The following PPP3CA variants were observed in gnomAD, a reference collection of about 807,000 sequenced individuals.
PPP3CA encodes CAM-PRP catalytic subunit.
A neutral mutation model predicts 66.5 loss-of-function variants in PPP3CA; 14 were observed. The ratio of observed to expected loss-of-function variants is 0.21; its 90% confidence interval spans 0.14 to 0.33. PPP3CA has a LOEUF of 0.33. Ranked by LOEUF, PPP3CA falls within the 10% of genes least tolerant of loss-of-function variation. PPP3CA has a pLI of 1.00. For missense variants in PPP3CA, 317 were observed against 639.5 expected, an observed-to-expected ratio of 0.50 and a Z score of 5.44; for synonymous variants, 232 against 226.2, an observed-to-expected ratio of 1.03 and a Z score of -0.23.
rs538230861 is a variant in PPP3CA at position 101,025,862 on chromosome 4, T to C, written c.*3A>G. On this transcript the variant is annotated 3_prime_UTR_variant, in exon 14 of 14. Coordinates refer to ENST00000394854, the MANE Select transcript of PPP3CA (RefSeq NM_000944.5). The stretch of plus-strand genomic sequence containing the variant: ...AAAAAAAAAAAAAGTGAACAGGAAG[T>C]GGTCACTGAATATTGCTGCTATTAC... 8.8e-7 allele frequency: 1 copy of C among 1,132,356 alleles called. No individual in the cohort carries two copies. The highest frequency in any genetic ancestry group is 3.1e-5 in the East Asian group (1 of 32,396). The allele number at this position is 1,132,356 out of a possible 1,614,324, so 70.1% of individuals were successfully genotyped here. A position where few individuals can be genotyped will look rare whatever the true frequency, so the allele number is the denominator to read the frequency against.
intron 2 of PPP3CA, among the ~76,000 whole-genome samples, chr4:101,162,571 A>ATAAAT (rs1723553406): frequency 2.6e-5 from 2 of 77,974 alleles, no homozygotes; most frequent in African/African-American, 1.6e-4. Flanking sequence ...AAATAAATAA[A>ATAAAT]GGGAAATGTA....
intron 3 of PPP3CA, among the ~76,000 whole-genome samples, chr4:101,107,232 A>G (rs1028561732): frequency 1.3e-5 from 2 of 152,200 alleles, no homozygotes; most frequent in Non-Finnish European, 2.9e-5. Flanking sequence ...TCTCTAATCC[A>G]ATCACACTTA....
intron 2 of PPP3CA, among the ~76,000 whole-genome samples, chr4:101,181,718 C>G (rs933609940): frequency 6.6e-6 from 1 of 152,010 alleles, no homozygotes; most frequent in Non-Finnish European, 1.5e-5. Flanking sequence ...TCTTACAATT[C>G]TATGATTATA....
At chr4:101,107,771 C>T (rs1721479959) in intron 3 of PPP3CA, among the ~76,000 whole-genome samples, 1 of 152,132 alleles carries the variant, frequency 6.6e-6, no homozygotes. Context: ...AAATAAAACA[C>T]TGAAATAAAA....
At chr4:101,253,814 G>A (rs781149310) in intron 1 of PPP3CA, among the ~76,000 whole-genome samples, 1 of 151,966 alleles carries the variant, frequency 6.6e-6, no homozygotes, top group Non-Finnish European at 1.5e-5. Context: ...ATATATGAAC[G>A]AAAGAGGGGA....
intron 1 of PPP3CA, among the ~76,000 whole-genome samples, chr4:101,236,153 C>T (rs1479677391): frequency 6.6e-6 from 1 of 151,746 alleles, no homozygotes; most frequent in Non-Finnish European, 1.5e-5. Context: ...CAAATTATAG[C>T]AAATGCAATG....
In PPP3CA at chr4:101,073,253, GTA is replaced by G. The variant is rs969530886; in HGVS notation, c.955+7277_955+7278del. Among the ~76,000 whole-genome samples the G allele has an allele frequency of 3.1e-4, 44 of 142,300 alleles. 1 individual carries two copies. Among genetic ancestry groups the G allele is most frequent in the Admixed American group, 7.0e-5 (1 of 14,240 alleles). The allele number at this position is 142,300 out of a possible 152,430, so 93.4% of individuals were successfully genotyped here. A position where few individuals can be genotyped will look rare whatever the true frequency, so the allele number is the denominator to read the frequency against. On this transcript the variant is annotated intron_variant, in intron 8 of 13. Transcript: ENST00000394854. The stretch of plus-strand genomic sequence containing the variant: ...CGTGTGTGTGTGTGTGTGTGTGTGT[GTA>G]TAGTGTATATACACACTTACATACT...
At chr4:101,253,808 A>G (rs1726752284) in intron 1 of PPP3CA, among the ~76,000 whole-genome samples, 1 of 152,036 alleles carries the variant, frequency 6.6e-6, no homozygotes. Flanking sequence ...GTGTGGATAT[A>G]TGAACGAAAG....
chr4:101,260,024 C>G (rs886888036), intron 1 of PPP3CA, among the ~76,000 whole-genome samples: 3 of 152,114 alleles, frequency 2.0e-5, no homozygotes, highest in Non-Finnish European at 4.4e-5. Flanking sequence ...CTGTCTTCAG[C>G]CTCATCCAAT....
chr4:101,117,925 A>C (rs957408899), intron 2 of PPP3CA, among the ~76,000 whole-genome samples: 6 of 151,978 alleles, frequency 3.9e-5, no homozygotes, highest in Admixed American at 6.6e-5. Context: ...TGATCAGTAC[A>C]TATAAACTAC....
intron 8 of PPP3CA, among the ~76,000 whole-genome samples, chr4:101,073,386 T>G (rs1038612272): frequency 2.0e-5 from 3 of 151,614 alleles, no homozygotes; most frequent in African/African-American, 7.3e-5. Context: ...AAGCGATTCT[T>G]CCTCCTCTGC....
intron 6 of PPP3CA, among the ~76,000 whole-genome samples, chr4:101,090,472 G>A (rs903249476): frequency 1.3e-4 from 20 of 151,604 alleles, no homozygotes; most frequent in South Asian, 2.1e-4. Context: ...AAGAAACCCC[G>A]TCTCTACTAA....
At chr4:101,062,332 T>G (rs537799564) in intron 9 of PPP3CA, among the ~76,000 whole-genome samples, 129 of 152,098 alleles carry the variant, frequency 8.5e-4, no homozygotes, top group Middle Eastern at 3.4e-3. Context: ...TGCCAACAAC[T>G]CATAACTTGA....
intron 8 of PPP3CA, among the ~76,000 whole-genome samples, chr4:101,071,845 T>C (rs934144542): frequency 5.9e-5 from 9 of 152,230 alleles, no homozygotes; most frequent in Non-Finnish European, 5.9e-5. Flanking sequence ...TAGAGAGTAG[T>C]GATTTTTAAG....
chr4:101,184,975 A>G, intron 2 of PPP3CA, among the ~76,000 whole-genome samples: 1 of 152,124 alleles, frequency 6.6e-6, no homozygotes, highest in East Asian at 1.9e-4. Context: ...AGCAGGAGGC[A>G]AAAAATTGCA....
intron 2 of PPP3CA, among the ~76,000 whole-genome samples, chr4:101,141,993 T>C (rs866594967): frequency 2.0e-5 from 3 of 148,588 alleles, no homozygotes; most frequent in South Asian, 2.1e-4. Context: ...TGGAGGATGA[T>C]AGGAAAAGGC....
At chr4:101,058,078 C>T (rs181632245) in intron 10 of PPP3CA, among the ~76,000 whole-genome samples, 4 of 152,218 alleles carry the variant, frequency 2.6e-5, no homozygotes, top group Non-Finnish European at 4.4e-5. Flanking sequence ...AAAACACCCA[C>T]ATACTACTGG....
At position 101,156,654 on chromosome 4, in the gene PPP3CA, G is replaced by A. The variant is rs562587451; in HGVS notation, c.259+39262C>T. The stretch of plus-strand genomic sequence containing the variant: ...CATTGCACTCCAGCCTGGGCAACAA[G>A]AGCGAAACTGTGTCTCAAAAAAAAA... On this transcript the variant is annotated intron_variant, in intron 2 of 13. Transcript: ENST00000394854. Among the ~76,000 whole-genome samples the A allele has an allele frequency of 1.5e-3, 233 of 150,420 alleles. 1 individual carries two copies. Among genetic ancestry groups the A allele is most frequent in the African/African-American group, 5.5e-3 (223 of 40,466 alleles).
chr4:101,088,347 A>G (rs1327568226), intron 6 of PPP3CA, among the ~76,000 whole-genome samples: 1 of 152,130 alleles, frequency 6.6e-6, no homozygotes, highest in East Asian at 1.9e-4. Flanking sequence ...GCACTTTGGG[A>G]GGCCGAGGCG....
Sources: gnomAD v4.1 joint callset for allele counts (sites outside exome capture counted in the v4.1 genomes callset) on GRCh38, gnomAD v4.1.1 for gene constraint, MANE v1.5 for transcripts, NCBI Gene and HGNC (gene_info 2026-07-23, HGNC 2026-07-21) for gene names.